EVL: variants seen among roughly 807,000 people sequenced by gnomAD.
The protein encoded by EVL is Enah/Vasp-like.
A neutral mutation model predicts 59.6 loss-of-function variants in EVL; 21 were observed. That is an observed-to-expected ratio of 0.35 (90% CI 0.25 to 0.51). The LOEUF (loss-of-function observed/expected upper bound fraction) is 0.51. Among genes scored for constraint, EVL ranks in the 20% least tolerant of loss-of-function variants. The pLI, the probability that EVL is intolerant of heterozygous loss-of-function variation, is 0.97. For missense variants in EVL, 462 were observed against 546.6 expected, an observed-to-expected ratio of 0.85 and a Z score of 1.54; for synonymous variants, 198 against 203.5, an observed-to-expected ratio of 0.97 and a Z score of 0.23.
At position 99,979,052 on chromosome 14, in the gene EVL, T is replaced by C. The variant is rs147461149; in HGVS notation, c.5+6995T>C. 5.1e-3 allele frequency among the ~76,000 whole-genome samples: 773 copies of C among 152,310 alleles called. 3 individuals are homozygous for C. The highest frequency in any genetic ancestry group is 0.017 in the Middle Eastern group (5 of 294). On this transcript the variant is annotated intron_variant, in intron 1 of 13. Coordinates refer to the EVL transcript ENST00000402714. Reference sequence around the variant, plus strand: ...TCTTTTTCTAACAGACTCTATGTATTTTCATATTTTCATTGAGAAATCGTT... The same window carrying C: ...TCTTTTTCTAACAGACTCTATGTATCTTCATATTTTCATTGAGAAATCGTT...
intron 2 of EVL, 123 bp downstream of exon 2, chr14:100,084,978 C>T: frequency 9.4e-7 from 1 of 1,058,268 alleles, no homozygotes; most frequent in Admixed American, 2.6e-5. Context: ...AATCAGAGGA[C>T]CTGGGCTCAG....
chr14:100,028,130 G>GTTTGTT, intron 1 of EVL, among the ~76,000 whole-genome samples: 1 of 99,614 alleles, frequency 1.0e-5, no homozygotes, highest in Admixed American at 9.1e-5. Flanking sequence ...TTTTTTGTTT[G>GTTTGTT]TTTGTTTTTT....
intron 1 of EVL, among the ~76,000 whole-genome samples, chr14:100,026,850 CTG>C (rs1368324637): frequency 6.6e-6 from 1 of 152,174 alleles, no homozygotes; most frequent in Non-Finnish European, 1.5e-5. Context: ...CAGTCCCTAA[CTG>C]TGGGAGCTAT....
chr14:100,116,079 A>G (rs1887323087), intron 3 of EVL, among the ~76,000 whole-genome samples: 1 of 152,232 alleles, frequency 6.6e-6, no homozygotes, highest in Non-Finnish European at 1.5e-5. Flanking sequence ...TGGCCAGACC[A>G]AGCTTAGCCC....
At chr14:100,122,021 G>T (rs1372191346) in intron 3 of EVL, among the ~76,000 whole-genome samples, 1 of 152,222 alleles carries the variant, frequency 6.6e-6, no homozygotes, top group African/African-American at 2.4e-5. Flanking sequence ...ATGTCCAGTT[G>T]TCCAAGCCAG....
At chr14:100,138,003 C>T in intron 11 of EVL, 1 of 612,318 alleles carries the variant, frequency 1.6e-6, no homozygotes, top group Admixed American at 2.9e-5. Context: ...AGAGAGAGAC[C>T]AAGGGCAAGG....
In EVL at chr14:100,086,936, C is replaced by T. The variant is rs80298448; in HGVS notation, c.180+2081C>T. Reference sequence around the variant, plus strand: ...TAGAGAAAATGGCAGGAAATCTGGTCCATAACAACTTTTAGGGACCTCAGT... The same window carrying T: ...TAGAGAAAATGGCAGGAAATCTGGTTCATAACAACTTTTAGGGACCTCAGT... On this transcript the variant is annotated intron_variant, in intron 2 of 13. Transcript: ENST00000392920. 1.3e-3 allele frequency among the ~76,000 whole-genome samples: 195 copies of T among 152,272 alleles called. 8 individuals are homozygous for T. In the East Asian group the frequency reaches 0.03, roughly 23 times the overall value.
chr14:100,102,835 C>T (rs530613789), intron 3 of EVL, among the ~76,000 whole-genome samples: 21 of 152,284 alleles, frequency 1.4e-4, no homozygotes, highest in Non-Finnish European at 1.9e-4. Context: ...CAGTGGCTCA[C>T]GCCTGTAATC....
intron 1 of EVL, among the ~76,000 whole-genome samples, chr14:99,987,905 A>ATTTTTTT (rs774580760): frequency 1.9e-5 from 2 of 103,820 alleles, no homozygotes; most frequent in Non-Finnish European, 3.6e-5. Flanking sequence ...AGACAACCCA[A>ATTTTTTT]TTTTTTTTTT....
upstream of EVL, among the ~76,000 whole-genome samples, chr14:100,061,533 G>T (rs1034066708): frequency 4.4e-5 from 6 of 135,428 alleles, no homozygotes; most frequent in African/African-American, 1.1e-4. Context: ...CCAGAAAAGA[G>T]AAATATATGA....
At chr14:100,040,148 C>T (rs929871950) in intron 1 of EVL, among the ~76,000 whole-genome samples, 1 of 152,222 alleles carries the variant, frequency 6.6e-6, no homozygotes, top group Non-Finnish European at 1.5e-5. Context: ...ACAGCCTTAG[C>T]AAACGGCTCA....
chr14:100,002,178 T>C (rs2060950008), intron 1 of EVL, among the ~76,000 whole-genome samples: 1 of 152,170 alleles, frequency 6.6e-6, no homozygotes, highest in African/African-American at 2.4e-5. Flanking sequence ...CCTGTTCTGC[T>C]TGATATCCAT....
intron 2 of EVL, among the ~76,000 whole-genome samples, chr14:100,096,061 G>T (rs760196948): frequency 2.6e-5 from 4 of 152,040 alleles, no homozygotes; most frequent in Non-Finnish European, 5.9e-5. Flanking sequence ...TTAGTGTACT[G>T]TGTGTGTGTC....
At chr14:100,027,066 C>G (rs2061226496) in intron 1 of EVL, among the ~76,000 whole-genome samples, 1 of 152,052 alleles carries the variant, frequency 6.6e-6, no homozygotes, top group Non-Finnish European at 1.5e-5. Flanking sequence ...AAGCCAAAAG[C>G]AAGGTGTTAT....
rs1886848482 is a variant in EVL at position 100,109,909 on chromosome 14, G to A, written c.358+12251G>A. Among the ~76,000 whole-genome samples the A allele has an allele frequency of 6.6e-6, 1 of 152,150 alleles. No individual in the cohort carries two copies. The highest frequency in any genetic ancestry group is 1.5e-5 in the Non-Finnish European group (1 of 68,040). On this transcript the variant is annotated intron_variant, in intron 3 of 13. Transcript: ENST00000392920. This position sits in a 1 kb window ranked among gnomAD's most constrained non-coding sequence, Gnocchi z 4.3. ...CAGCTGTGCCAGGAGTGTGCCCTTG[G>A]GCATGTCACTGACCTAAGACTCAGT...
chr14:100,066,185 G>GT (rs1199062091), intron 1 of EVL, among the ~76,000 whole-genome samples: 1 of 152,196 alleles, frequency 6.6e-6, no homozygotes, highest in African/African-American at 2.4e-5. Flanking sequence ...TGGGGCATTT[G>GT]TTTGATTGAC....
intron 3 of EVL, among the ~76,000 whole-genome samples, chr14:100,122,398 G>T (rs765983429): frequency 6.6e-6 from 1 of 152,186 alleles, no homozygotes; most frequent in Non-Finnish European, 1.5e-5. Context: ...TTCTTATAGG[G>T]CTGTGAGAAT....
Position 100,109,605 on chromosome 14 carries a change from G to A in EVL, c.358+11947G>A, listed in dbSNP as rs1238063353. 4.0e-6 allele frequency: 2 copies of A among 502,874 alleles called. No individual in the cohort carries two copies. Among genetic ancestry groups the A allele is most frequent in the South Asian group, 3.0e-5 (2 of 67,332 alleles). The allele number at this position is 502,874 out of a possible 1,614,324, so 31.2% of individuals were successfully genotyped here. On this transcript the variant is annotated intron_variant, in intron 3 of 13. Transcript: ENST00000392920. This position sits in a 1 kb window ranked among gnomAD's most constrained non-coding sequence, Gnocchi z 4.3. ...ACTTCCTGCCATTGCATCCTTCTCT[G>A]CAGACTAAGATGGAGTTCCTGAACC...
Position 100,144,004 on chromosome 14 carries a change from G to C in EVL, c.*266G>C. The C allele has an allele frequency of 1.9e-6, 1 of 513,378 alleles. No individual in the cohort carries two copies. Among genetic ancestry groups the C allele is most frequent in the South Asian group, 2.8e-5 (1 of 35,808 alleles). The allele number at this position is 513,378 out of a possible 1,614,324, so 31.8% of individuals were successfully genotyped here. The stretch of plus-strand genomic sequence containing the variant: ...TTGCTTATTTAAGGTACATTTCTTT[G>C]GGTTTCTAGAGACGCCCCTAAGTCA... On this transcript the variant is annotated 3_prime_UTR_variant, in exon 14 of 14. Transcript: ENST00000392920.
Sources: allele counts gnomAD v4.1 joint callset (sites outside exome capture counted in the v4.1 genomes callset), GRCh38; gene constraint gnomAD v4.1.1; non-coding constraint Gnocchi (gnomAD v3.1); transcripts MANE v1.5; gene names NCBI Gene and HGNC (gene_info 2026-07-23, HGNC 2026-07-21).